Variants in MAF observed in about 807,000 individuals in gnomAD.
MAF encodes the protein MAF bZIP transcription factor.
A neutral mutation model predicts 22.0 loss-of-function variants in MAF; 10 were observed. The ratio of observed to expected loss-of-function variants is 0.45; its 90% CI spans 0.28 to 0.77. The LOEUF (loss-of-function observed/expected upper bound fraction) is 0.77. MAF is among the 30% of genes least tolerant of loss of function. MAF has a pLI of 0.12. For synonymous variants in MAF, 337 were observed against 255.8 expected, an observed-to-expected ratio of 1.32 and a Z score of -3.03; for missense variants, 544 against 548.4, an observed-to-expected ratio of 0.99 and a Z score of 0.08.
At chr16:79,234,029 A>G in the MAF span, among the ~76,000 whole-genome samples, 7 of 151,494 alleles carry the variant, frequency 4.6e-5, no homozygotes, top group Non-Finnish European at 1.0e-4. Flanking sequence ...TAGAATGGGT[A>G]AGATCAAACA....
intron 1 of MAF, 154 bp from the exon 2 acceptor site, chr16:79,594,707 T>C (rs1468117493): frequency 2.1e-6 from 3 of 1,421,574 alleles, no homozygotes; most frequent in African/African-American, 3.0e-5. Flanking sequence ...AGGAGTTCTT[T>C]GTAAGAAAAA....
chr16:79,221,758 TATGTGTGTGTGTGC>T, the MAF span, among the ~76,000 whole-genome samples: 2 of 146,640 alleles, frequency 1.4e-5, no homozygotes, highest in South Asian at 4.2e-4. Context: ...ATTGTGTGTG[TATGTGTGTGTGTGC>T]ATGTATGTGT....
At chr16:79,380,891 A>T in the MAF span, among the ~76,000 whole-genome samples, 1 of 152,234 alleles carries the variant, frequency 6.6e-6, no homozygotes, top group Non-Finnish European at 1.5e-5. Context: ...TTGTCTGCCA[A>T]ATCTGGGATG....
chr16:79,459,738 A>G, the MAF span, among the ~76,000 whole-genome samples: 4,314 of 152,070 alleles, frequency 0.028, 208 homozygotes, highest in African/African-American at 0.096. Flanking sequence ...ATGCCTGGCT[A>G]ATTTTTGCAG....
At chr16:79,591,032 C>A (rs553626097), downstream of MAF, among the ~76,000 whole-genome samples, 1 of 152,154 alleles carries the variant, frequency 6.6e-6, no homozygotes, top group South Asian at 2.1e-4. Context: ...GCCAGTGTTC[C>A]CTTTACAACA....
At chr16:79,554,530 T>C in the MAF span, among the ~76,000 whole-genome samples, 1 of 152,134 alleles carries the variant, frequency 6.6e-6, no homozygotes, top group Non-Finnish European at 1.5e-5. Flanking sequence ...AAAGAGCATG[T>C]AACAAGACAG....
chr16:79,393,109 G>C, the MAF span, among the ~76,000 whole-genome samples: 11 of 152,242 alleles, frequency 7.2e-5, no homozygotes, highest in Non-Finnish European at 1.2e-4. Flanking sequence ...AATCTATGCA[G>C]AGAGGATGTT....
intron 1 of MAF, chr16:79,596,236 C>G (rs1466492825): frequency 7.5e-6 from 8 of 1,060,106 alleles, no homozygotes; most frequent in Non-Finnish European, 9.1e-6. Context: ...TGGCTCAACT[C>G]ATTTGAAAAC....
At chr16:79,437,115 A>G in the MAF span, among the ~76,000 whole-genome samples, 1 of 151,946 alleles carries the variant, frequency 6.6e-6, no homozygotes. Flanking sequence ...CATGTGTTAA[A>G]GACTAAAATG....
chr16:79,499,319 GAC>G, the MAF span, among the ~76,000 whole-genome samples: 1 of 152,118 alleles, frequency 6.6e-6, no homozygotes, highest in Non-Finnish European at 1.5e-5. Flanking sequence ...CACCATCTGG[GAC>G]ACAGTCATCT....
At chr16:79,423,904 C>T in the MAF span, among the ~76,000 whole-genome samples, 1 of 152,192 alleles carries the variant, frequency 6.6e-6, no homozygotes, top group Non-Finnish European at 1.5e-5. Flanking sequence ...TCTTCAGGTT[C>T]TCGAGTCTGG....
rs1485387151 is a variant in MAF, at chr16:79,599,072, C to G, written c.831G>C (p.Gln277His). 1.2e-6 allele frequency: 2 copies of G among 1,610,936 alleles called. No individual in the cohort carries two copies. The highest frequency in any genetic ancestry group is 1.7e-6 in the Non-Finnish European group (2 of 1,179,780). The change falls in exon 1 of 2, where the codon CAG becomes CAC. Residue 277 changes from glutamine (Q) to histidine (H), a missense_variant. By Grantham distance (24) the Gln-to-His change is conservative. Coordinates refer to ENST00000326043, the MANE Select transcript of MAF (RefSeq NM_005360.5). ...CCTCCTCCTTGCTGACCCCGCGCAG[C>G]TGCCGGTTCAGCTCGCGCACAGACA... is the stretch of plus-strand genomic sequence containing the variant. Reference protein sequence around the residue: ...VTMSVRELNRQLRGVSKEEVI... With the variant: ...VTMSVRELNRHLRGVSKEEVI...
At chr16:79,542,697 C>A in the MAF span, among the ~76,000 whole-genome samples, 372 of 152,284 alleles carry the variant, frequency 2.4e-3, no homozygotes, top group African/African-American at 8.5e-3. Flanking sequence ...CACTGATGGG[C>A]AAGCTGGGTT....
chr16:79,405,463 A>G, the MAF span, among the ~76,000 whole-genome samples: 1 of 152,202 alleles, frequency 6.6e-6, no homozygotes, highest in African/African-American at 2.4e-5. Flanking sequence ...CTGAGGTGAC[A>G]ATGCCACTGA....
At chr16:79,504,562 AATGGATGGATGGACGGATGG>A in the MAF span, among the ~76,000 whole-genome samples, 1 of 152,132 alleles carries the variant, frequency 6.6e-6, no homozygotes, top group Non-Finnish European at 1.5e-5. Context: ...TTCTTACTTG[AATGGATGGATGGACGGATGG>A]ATGGATGGAT....
the MAF span, among the ~76,000 whole-genome samples, chr16:79,434,774 A>C: frequency 2.0e-5 from 3 of 152,134 alleles, no homozygotes; most frequent in African/African-American, 7.2e-5. Flanking sequence ...TAAATATTAC[A>C]TTTTAAAAGA....
the MAF span, among the ~76,000 whole-genome samples, chr16:79,533,196 C>G: frequency 6.6e-6 from 1 of 152,162 alleles, no homozygotes; most frequent in South Asian, 2.1e-4. Flanking sequence ...TTAAAGGGCT[C>G]TACTCTTCTT....
the MAF span, among the ~76,000 whole-genome samples, chr16:79,243,996 G>A: frequency 6.6e-6 from 1 of 151,902 alleles, no homozygotes; most frequent in Non-Finnish European, 1.5e-5. Context: ...TGCAGAAAAG[G>A]CCTTCAACAA....
chr16:79,278,075 G>T, the MAF span, among the ~76,000 whole-genome samples: 4 of 152,184 alleles, frequency 2.6e-5, no homozygotes, highest in Non-Finnish European at 4.4e-5. Context: ...TTATAAAACT[G>T]TACTAAGTGA....
Sources: gnomAD v4.1 joint callset for allele counts (sites outside exome capture counted in the v4.1 genomes callset) on GRCh38, gnomAD v4.1.1 for gene constraint, MANE v1.5 for transcripts, NCBI Gene and HGNC (gene_info 2026-07-23, HGNC 2026-07-21) for gene names.